DNAH10: variants seen among roughly 807,000 people sequenced by gnomAD.
DNAH10 encodes the protein dynein axonemal heavy chain 10.
Under a neutral mutation model 506.6 loss-of-function variants are expected in DNAH10, and 348 were observed. That is an observed-to-expected ratio of 0.69 (90% CI 0.63 to 0.75). The LOEUF (loss-of-function observed/expected upper bound fraction) is 0.75, where lower values mean the gene tolerates loss of function less well. Ranked by LOEUF, DNAH10 falls within the 30% of genes least tolerant of loss-of-function variation. The probability of loss-of-function intolerance (pLI) is 0.00; values close to 1 mark genes in which losing one functional copy is unlikely to be tolerated. For missense variants in DNAH10, 5,179 were observed against 5,787.1 expected (o/e 0.89, Z 3.41); for synonymous variants, 2,059 against 2,198.6 (o/e 0.94, Z 1.78).
At chr12:123,822,907 G>T (rs948235872) in intron 24 of DNAH10, among the ~76,000 whole-genome samples, 4 of 152,222 alleles carry the variant, frequency 2.6e-5, no homozygotes, top group Non-Finnish European at 4.4e-5. Context: ...AGGGCCACCT[G>T]CTTTACTCAG....
intron 3 of DNAH10, 110 bp downstream of exon 3, chr12:123,771,808 G>A: frequency 1.1e-6 from 1 of 933,326 alleles, no homozygotes. Flanking sequence ...ATGTTGGAAT[G>A]GAAATTATAG....
chr12:123,842,842 A>G (rs1159003475), intron 30 of DNAH10, among the ~76,000 whole-genome samples: 1 of 152,256 alleles, frequency 6.6e-6, no homozygotes, highest in African/African-American at 2.4e-5. Flanking sequence ...ATTCCAGAAT[A>G]TTCGACAGTT....
chr12:123,915,170 C>T (rs959351547), intron 62 of DNAH10, among the ~76,000 whole-genome samples, 171 bp downstream of exon 62: 5 of 152,152 alleles, frequency 3.3e-5, no homozygotes, highest in Non-Finnish European at 7.3e-5. Flanking sequence ...GCCTCCACCC[C>T]GTGGGTCTGC....
Position 123,899,595 on chromosome 12 carries a change from C to T in DNAH10, c.9640+781C>T, listed in dbSNP as rs146894439. Among the ~76,000 whole-genome samples the T allele has an allele frequency of 5.3e-5, 8 of 152,316 alleles. No individual in the cohort carries two copies. The East Asian group carries it at 7.7e-4, about 15-fold the overall frequency. On this transcript the variant is annotated intron_variant, in intron 56 of 78. Coordinates refer to ENST00000673944, the MANE Select transcript of DNAH10 (RefSeq NM_001372106.1). The stretch of plus-strand genomic sequence containing the variant: ...TTGGTGTTGGCAAACTGCCTCTCCC[C>T]GACTCCCAGTGCCTGCCATCAGGAT...
At chr12:123,863,032 G>A (rs1199423269) in intron 39 of DNAH10, among the ~76,000 whole-genome samples, 1 of 152,018 alleles carries the variant, frequency 6.6e-6, no homozygotes, top group Non-Finnish European at 1.5e-5. Flanking sequence ...AACTCTGTAA[G>A]TTTGAAATTA....
chr12:123,877,175 A>G (rs534385750), intron 47 of DNAH10, among the ~76,000 whole-genome samples: 1 of 152,068 alleles, frequency 6.6e-6, no homozygotes, highest in African/African-American at 2.4e-5. Context: ...GTCTCCATGG[A>G]GTTTTCCATG....
Position 123,827,791 on chromosome 12 carries a change from C to G in DNAH10, c.4391+893C>G, listed in dbSNP as rs117991193. Among the ~76,000 whole-genome samples, 1,384 of 152,312 alleles carry G rather than the reference C, an allele frequency of 9.1e-3. 13 individuals are homozygous for G. Among genetic ancestry groups the G allele is most frequent in the Non-Finnish European group, 0.015 (1,048 of 68,022 alleles). On this transcript the variant is annotated intron_variant, in intron 25 of 78. Transcript: ENST00000673944. Reference sequence around the variant, plus strand: ...GCTGGCTTGTTTTCAACACCTGTTACATCTGTCTCTCCCTCTCAACAAGGA... The same window carrying G: ...GCTGGCTTGTTTTCAACACCTGTTAGATCTGTCTCTCCCTCTCAACAAGGA...
At chr12:123,847,827 C>T in intron 32 of DNAH10, 134 bp from the exon 33 acceptor site, 1 of 1,233,666 alleles carries the variant, frequency 8.1e-7, no homozygotes, top group Non-Finnish European at 1.1e-6. Flanking sequence ...GTGGCCCAGT[C>T]AAGTTGACAC....
chr12:123,872,655 C>A (rs1952081268), intron 45 of DNAH10, among the ~76,000 whole-genome samples: 1 of 148,938 alleles, frequency 6.7e-6, no homozygotes, highest in Non-Finnish European at 1.5e-5. Context: ...TAAAAAAATA[C>A]CCTAGACCAC....
chr12:123,840,872 A>G (rs1394385857), intron 29 of DNAH10, among the ~76,000 whole-genome samples: 2 of 152,188 alleles, frequency 1.3e-5, no homozygotes, highest in South Asian at 2.1e-4. Flanking sequence ...CACCTTGTTA[A>G]GTGCCATGAT....
intron 57 of DNAH10, among the ~76,000 whole-genome samples, chr12:123,904,525 G>A (rs949091520): frequency 2.6e-5 from 4 of 152,136 alleles, no homozygotes; most frequent in Non-Finnish European, 5.9e-5. Context: ...GGAGGAGTGG[G>A]GGGGAGCTTC....
chr12:123,829,079 C>G (rs114272330), intron 25 of DNAH10, among the ~76,000 whole-genome samples: 2,073 of 152,252 alleles, frequency 0.014, 41 homozygotes, highest in African/African-American at 0.046. Flanking sequence ...GATTTATTTG[C>G]AAGGCCGCCA....
At position 123,813,793 on chromosome 12, in the gene DNAH10, G is replaced by A; in HGVS notation, c.3661G>A (p.Glu1221Lys). The change falls in exon 21 of 79, where the codon GAA becomes AAA. Residue 1221 changes from glutamate to lysine, a missense_variant. Glu to Lys is a moderately conservative substitution (Grantham distance 56, BLOSUM62 1). Coordinates refer to ENST00000673944, the MANE Select transcript of DNAH10 (RefSeq NM_001372106.1). ...CCTTAGGAAGATCCCCAATACCCTTGAAGATCTCAAGTTTGTCCTTGCAAC... is the reference window on the plus strand; with the variant it reads ...CCTTAGGAAGATCCCCAATACCCTTAAAGATCTCAAGTTTGTCCTTGCAAC... ...KNLRKIPNTL[E>K]DLKFVLATIA... is the part of the protein sequence containing the mutation. 1 of 1,613,326 alleles carries A rather than the reference G, an allele frequency of 6.2e-7. No homozygotes were observed. The highest frequency in any genetic ancestry group is 8.5e-7 in the Non-Finnish European group (1 of 1,179,812).
chr12:123,864,680 G>A lies in DNAH10; in HGVS notation c.6994G>A (p.Ala2332Thr), dbSNP rs756064438. Reference protein sequence around the residue: ...VMDDNRLLTLANGERIRLQAH... With the variant: ...VMDDNRLLTLTNGERIRLQAH... ...GGATGACAACAGGTTGTTGACATTG[G>A]CCAACGGGGAACGCATCCGGCTCCA... is the stretch of plus-strand genomic sequence containing the variant. The change falls in exon 40 of 79, where the codon GCC becomes ACC. Residue 2332 changes from alanine to threonine, a missense_variant. Coordinates refer to ENST00000673944, the MANE Select transcript of DNAH10 (RefSeq NM_001372106.1). 2 of 1,613,978 alleles carry A rather than the reference G, an allele frequency of 1.2e-6. No individual in the cohort carries two copies. Among genetic ancestry groups the A allele is most frequent in the African/African-American group, 1.3e-5 (1 of 75,034 alleles).
chr12:123,790,082 C>A lies in DNAH10; in HGVS notation c.1776C>A (p.Phe592Leu). ...FDPFSIKSSQ[F>L]WKYVMDEFKI... is the part of the protein sequence containing the mutation. ...CCTTCAGCATCAAGTCCTCCCAGTT[C>A]TGGAAATATGTGATGGATGAATTCA... Residue 592 changes from phenylalanine to leucine, a missense_variant, in exon 11 of 79, where the codon TTC becomes TTA. Phe to Leu is a conservative substitution (Grantham distance 22). Transcript: ENST00000673944. 3 of 1,614,160 alleles carry A rather than the reference C, an allele frequency of 1.9e-6. No homozygotes were observed. The highest frequency in any genetic ancestry group is 2.5e-6 in the Non-Finnish European group (3 of 1,180,042).
At position 123,903,297 on chromosome 12, in the gene DNAH10, A is replaced by T. The variant is rs1594333076; in HGVS notation, c.9815+184A>T. On this transcript the variant is annotated intron_variant, in intron 57 of 78. Coordinates refer to ENST00000673944, the MANE Select transcript of DNAH10 (RefSeq NM_001372106.1). This position sits in a 1 kb window ranked among gnomAD's most constrained non-coding sequence, Gnocchi z 4.6. Reference sequence around the variant, plus strand: ...CGGATGGGGAAAATGAGGCCCAGGGAGATGAGGTGGGCGCCCCAGGCATCC... The same window carrying T: ...CGGATGGGGAAAATGAGGCCCAGGGTGATGAGGTGGGCGCCCCAGGCATCC... Among the ~76,000 whole-genome samples the T allele has an allele frequency of 6.6e-6, 1 of 152,138 alleles. No individual in the cohort carries two copies. Among genetic ancestry groups the T allele is most frequent in the East Asian group, 1.9e-4 (1 of 5,150 alleles).
intron 25 of DNAH10, 99 bp downstream of exon 25, chr12:123,826,997 A>G: frequency 9.0e-7 from 1 of 1,114,496 alleles, no homozygotes; most frequent in South Asian, 1.6e-5. Flanking sequence ...ATGATGAAGC[A>G]CACAATTTCA....
chr12:123,781,090 C>T lies in DNAH10; in HGVS notation c.632C>T (p.Pro211Leu), dbSNP rs1419084972. ...AAATTGGCATTTCAGGTTTTTTTGC[C>T]AGCATTGTCCTTCAATCAGCACAGG... ...LKNIICQVFL[P>L]ALSFNQHRTS... The change falls in exon 6 of 79, where the codon CCA becomes CTA. Residue 211 changes from proline to leucine, a missense_variant. By Grantham distance (98) the Pro-to-Leu change is moderately conservative. Transcript: ENST00000673944. 3.2e-6 allele frequency: 5 copies of T among 1,585,538 alleles called. No homozygotes were observed. Among genetic ancestry groups the T allele is most frequent in the Non-Finnish European group, 4.3e-6 (5 of 1,170,040 alleles).
chr12:123,867,458 T>C lies in DNAH10; in HGVS notation c.7168-9T>C. ...CCTTGAAATGCTTTGGAATGCTACT[T>C]TTTTATAGGTGGAGCAATACAATTT... is the stretch of plus-strand genomic sequence containing the variant. On this transcript the variant is annotated splice_polypyrimidine_tract_variant and intron_variant, in intron 41 of 78. Transcript: ENST00000673944. 1 of 1,608,196 alleles carries C rather than the reference T, an allele frequency of 6.2e-7. No individual in the cohort carries two copies. Among genetic ancestry groups the C allele is most frequent in the Non-Finnish European group, 8.5e-7 (1 of 1,177,798 alleles).
Sources: gnomAD v4.1 joint callset for allele counts (sites outside exome capture counted in the v4.1 genomes callset) on GRCh38, gnomAD v4.1.1 for gene constraint, Gnocchi (gnomAD v3.1) non-coding constraint, MANE v1.5 for transcripts, NCBI Gene and HGNC (gene_info 2026-07-23, HGNC 2026-07-21) for gene names.